TRAM2: variants seen among roughly 807,000 people sequenced by gnomAD.
The protein encoded by TRAM2 is translocation associated membrane protein 2, also known as translocating chain-associated membrane protein 2.
A neutral mutation model predicts 51.0 loss-of-function variants in TRAM2; 12 were observed. The ratio of observed to expected loss-of-function variants is 0.24; its 90% CI spans 0.15 to 0.38. The LOEUF is 0.38. Among genes scored for constraint, TRAM2 ranks in the 10% least tolerant of loss-of-function variants. The probability of loss-of-function intolerance (pLI) is 1.00; values close to 1 mark genes in which losing one functional copy is unlikely to be tolerated. For synonymous variants in TRAM2, 175 were observed against 179.4 expected (o/e 0.98, Z 0.20); for missense variants, 361 against 462.0 (o/e 0.78, Z 2.00).
At chr6:52,512,416 G>A (rs1332562259) in intron 4 of TRAM2, among the ~76,000 whole-genome samples, 1 of 152,164 alleles carries the variant, frequency 6.6e-6, no homozygotes, top group Non-Finnish European at 1.5e-5. Context: ...GGGGGAGCCA[G>A]AGGAAAAATG....
chr6:52,556,701 G>A (rs1441063734), intron 1 of TRAM2, among the ~76,000 whole-genome samples: 1 of 152,046 alleles, frequency 6.6e-6, no homozygotes, highest in Non-Finnish European at 1.5e-5. Context: ...GCTAAGACAG[G>A]CAGATCACTT....
At chr6:52,519,230 C>A (rs1766617338) in intron 2 of TRAM2, among the ~76,000 whole-genome samples, 1 of 152,218 alleles carries the variant, frequency 6.6e-6, no homozygotes, top group African/African-American at 2.4e-5. Flanking sequence ...GTACACACCA[C>A]ATCCTTGTAC....
intron 1 of TRAM2, among the ~76,000 whole-genome samples, chr6:52,554,230 G>C (rs1767361340): frequency 6.6e-6 from 1 of 152,112 alleles, no homozygotes; most frequent in Non-Finnish European, 1.5e-5. Flanking sequence ...CTTTGGTTTT[G>C]AAAACCAAAG....
At chr6:52,547,452 T>TGGA (rs759553222) in intron 1 of TRAM2, among the ~76,000 whole-genome samples, 5 of 152,178 alleles carry the variant, frequency 3.3e-5, no homozygotes, top group Non-Finnish European at 7.3e-5. Flanking sequence ...ACACCAGCTA[T>TGGA]GGAGAAGACG....
intron 1 of TRAM2, among the ~76,000 whole-genome samples, chr6:52,567,972 C>G (rs751594223): frequency 1.3e-5 from 2 of 152,218 alleles, no homozygotes; most frequent in Non-Finnish European, 2.9e-5. Context: ...CAATTTCTGA[C>G]TCGCAATTTG....
At chr6:52,564,057 TGA>T (rs993046897) in intron 1 of TRAM2, among the ~76,000 whole-genome samples, 12 of 152,092 alleles carry the variant, frequency 7.9e-5, no homozygotes, top group African/African-American at 2.9e-4. Flanking sequence ...AAGCTTCAAA[TGA>T]CCACCAGCAG....
At position 52,499,371 on chromosome 6, in the gene TRAM2, C is replaced by T. The variant is rs1156349728; in HGVS notation, c.*3826G>A. 6.6e-6 allele frequency: 1 copy of T among 152,096 alleles called. No individual in the cohort carries two copies. The highest frequency in any genetic ancestry group is 2.4e-5 in the African/African-American group (1 of 41,412). The allele number at this position is 152,096 out of a possible 1,614,324, so 9.4% of individuals were successfully genotyped here. A position where few individuals can be genotyped will look rare whatever the true frequency, so the allele number is the denominator to read the frequency against. The stretch of plus-strand genomic sequence containing the variant: ...AAGTTTGTGCACTTGTGCCATAGGC[C>T]CTTAAGCAAAAGAATTAGTTATGTG... On this transcript the variant is annotated 3_prime_UTR_variant, in exon 11 of 11. Coordinates refer to ENST00000182527, the MANE Select transcript of TRAM2 (RefSeq NM_012288.4).
chr6:52,536,609 C>T (rs1009552737), intron 1 of TRAM2, among the ~76,000 whole-genome samples: 16 of 152,158 alleles, frequency 1.1e-4, no homozygotes, highest in African/African-American at 3.1e-4. Context: ...TATGTATCTA[C>T]CAGCAAGTAA....
At chr6:52,556,540 A>C (rs112852941) in intron 1 of TRAM2, among the ~76,000 whole-genome samples, 12,933 of 151,248 alleles carry the variant, frequency 0.086, 754 homozygotes, top group Non-Finnish European at 0.12. Context: ...CCTTGCCCCC[A>C]CAGAGTGTTG....
intron 1 of TRAM2, among the ~76,000 whole-genome samples, chr6:52,554,768 T>TC (rs894065577): frequency 7.0e-5 from 10 of 142,804 alleles, no homozygotes; most frequent in African/African-American, 1.0e-4. Context: ...AGTCAATCCT[T>TC]TTTTTTTTTT....
chr6:52,538,153 TGAGA>T (rs569765036), intron 1 of TRAM2, among the ~76,000 whole-genome samples: 66 of 152,308 alleles, frequency 4.3e-4, no homozygotes, highest in Admixed American at 1.1e-3. Context: ...TTGGAAGAAA[TGAGA>T]GAAAGGAGGA....
At chr6:52,505,831 A>G (rs1766337964) in intron 8 of TRAM2, 89 bp from the exon 9 acceptor site, 3 of 1,508,374 alleles carry the variant, frequency 2.0e-6, no homozygotes, top group Non-Finnish European at 2.7e-6. Flanking sequence ...CCGAGTGGGA[A>G]GAGGATTCAA....
At chr6:52,532,776 G>T (rs9296682) in intron 2 of TRAM2, among the ~76,000 whole-genome samples, 101,667 of 151,952 alleles carry the variant, frequency 0.67, 34,704 homozygotes, top group East Asian at 0.89. Flanking sequence ...TGATAATCGA[G>T]GACACACAAA....
At chr6:52,510,043 G>A (rs1390753761) in intron 4 of TRAM2, among the ~76,000 whole-genome samples, 1 of 152,136 alleles carries the variant, frequency 6.6e-6, no homozygotes, top group Non-Finnish European at 1.5e-5. Flanking sequence ...ATAAGCAAAT[G>A]AACTCTAGAA....
Position 52,502,746 on chromosome 6 carries a change from C to T in TRAM2, c.*451G>A, listed in dbSNP as rs559176280. ...GGCCTACCAGCCCCAGGCTTCTGACCGGCAGGCCCTGGGGGACCGAAGGAC... is the reference window on the plus strand; with the variant it reads ...GGCCTACCAGCCCCAGGCTTCTGACTGGCAGGCCCTGGGGGACCGAAGGAC... On this transcript the variant is annotated 3_prime_UTR_variant, in exon 11 of 11. Transcript: ENST00000182527. The T allele has an allele frequency of 9.2e-5, 16 of 173,254 alleles. No individual in the cohort carries two copies. The highest frequency in any genetic ancestry group is 2.8e-4 in the South Asian group (2 of 7,044). 10.7% of individuals were successfully genotyped at this position (173,254 alleles called of 1,614,324 possible).
intron 1 of TRAM2, among the ~76,000 whole-genome samples, chr6:52,546,219 ACT>A (rs912514839): frequency 6.6e-6 from 1 of 151,930 alleles, no homozygotes; most frequent in African/African-American, 2.4e-5. Context: ...GAGAAATGTG[ACT>A]CCCTGGGAAA....
chr6:52,512,407 G>C (rs1766467116), intron 4 of TRAM2, among the ~76,000 whole-genome samples: 1 of 152,118 alleles, frequency 6.6e-6, no homozygotes, highest in South Asian at 2.1e-4. Flanking sequence ...AGGAGAGCAG[G>C]GGGAGCCAGA....
intron 2 of TRAM2, chr6:52,522,851 T>A: frequency 2.9e-6 from 2 of 699,972 alleles, no homozygotes; most frequent in Non-Finnish European, 5.2e-6. Context: ...CCGTTTCCTA[T>A]GACTAATAGA....
chr6:52,522,751 G>A, intron 2 of TRAM2: 1 of 596,544 alleles, frequency 1.7e-6, no homozygotes, highest in South Asian at 2.1e-5. Context: ...TTTAAAGAGA[G>A]ACCTGAAATA....
Sources: allele counts gnomAD v4.1 joint callset (sites outside exome capture counted in the v4.1 genomes callset), GRCh38; gene constraint gnomAD v4.1.1; transcripts MANE v1.5; gene names NCBI Gene and HGNC (gene_info 2026-07-23, HGNC 2026-07-21).